Variants in PIK3CB observed in about 807,000 individuals in gnomAD.
PIK3CB encodes phosphatidylinositol-4,5-bisphosphate 3-kinase catalytic subunit beta.
PIK3CB carries 39 observed loss-of-function variants against 136.8 expected under a neutral mutation model. The ratio of observed to expected loss-of-function variants is 0.29; its 90% confidence interval spans 0.22 to 0.37. PIK3CB has a LOEUF of 0.37. Ranked by LOEUF, PIK3CB falls within the 10% of genes least tolerant of loss-of-function variation. The probability of loss-of-function intolerance (pLI) is 1.00; values close to 1 mark genes in which losing one functional copy is unlikely to be tolerated. For missense variants in PIK3CB, 868 were observed against 1,275.4 expected (o/e 0.68, Z 4.87); for synonymous variants, 428 against 436.6 (o/e 0.98, Z 0.25).
At chr3:138,689,531 TC>T (rs1395041989) in intron 15 of PIK3CB, among the ~76,000 whole-genome samples, 1 of 152,222 alleles carries the variant, frequency 6.6e-6, no homozygotes, top group South Asian at 2.1e-4. Context: ...CCTCAAGTGA[TC>T]CATCCACCTT....
intron 14 of PIK3CB, among the ~76,000 whole-genome samples, chr3:138,693,965 A>T (rs1348250137): frequency 0.025 from 676 of 27,268 alleles, 2 homozygotes; most frequent in South Asian, 0.041. Flanking sequence ...ATATATATAT[A>T]TTATATATAT....
chr3:138,692,313 G>T (rs2044026759), intron 14 of PIK3CB, among the ~76,000 whole-genome samples: 1 of 152,148 alleles, frequency 6.6e-6, no homozygotes, highest in African/African-American at 2.4e-5. Flanking sequence ...CTCATAACCA[G>T]AAATTTCACA....
In PIK3CB at chr3:138,717,532, GT is replaced by G. The variant is rs11443923; in HGVS notation, c.1051-2814del. Among the ~76,000 whole-genome samples the G allele has an allele frequency of 1.1e-3, 165 of 151,046 alleles. 2 individuals carry two copies. Among genetic ancestry groups the G allele is most frequent in the Middle Eastern group, 6.9e-3 (2 of 288 alleles). ...TGAATGAAAATAGAAATTTTTTGTG[GT>G]TTTTTTTTAAACTTTCATTTTAGGT... is the stretch of plus-strand genomic sequence containing the variant. On this transcript the variant is annotated intron_variant, in intron 8 of 23. Transcript: ENST00000674063.
chr3:138,711,306 C>T (rs562684927), intron 10 of PIK3CB, among the ~76,000 whole-genome samples: 3 of 150,730 alleles, frequency 2.0e-5, no homozygotes, highest in South Asian at 2.1e-4. Flanking sequence ...CGGCCAGGCG[C>T]GGTGGCTCAC....
At chr3:138,732,425 G>A (rs1361439249) in intron 8 of PIK3CB, among the ~76,000 whole-genome samples, 2 of 152,064 alleles carry the variant, frequency 1.3e-5, no homozygotes, top group Non-Finnish European at 2.9e-5. Context: ...CAAGACATTG[G>A]TAATTTTTGG....
At chr3:138,657,018 T>C (rs182037247) in intron 22 of PIK3CB, among the ~76,000 whole-genome samples, 44 of 152,244 alleles carry the variant, frequency 2.9e-4, no homozygotes, top group Admixed American at 2.2e-3. Context: ...CTGTGTGCCT[T>C]GGCCTCCCAA....
rs150096529 is a variant in PIK3CB, at chr3:138,810,288, T to A, written c.-121-13721A>T. Among the ~76,000 whole-genome samples the A allele has an allele frequency of 3.8e-3, 572 of 151,988 alleles. 5 individuals carry two copies. Among genetic ancestry groups the A allele is most frequent in the African/African-American group, 0.013 (549 of 41,474 alleles). ...ACACCCCCATCAAGGAAAGGAACTA[T>A]AACGCCCCACTCTTTAAGTGTGAGC... On this transcript the variant is annotated intron_variant, in intron 1 of 23. Transcript: ENST00000674063.
chr3:138,712,835 G>A (rs541063443), intron 9 of PIK3CB, among the ~76,000 whole-genome samples: 1 of 152,112 alleles, frequency 6.6e-6, no homozygotes, highest in South Asian at 2.1e-4. Flanking sequence ...TTAAAGTGTT[G>A]GAATTACAGG....
At chr3:138,765,100 A>C (rs1022031052) in intron 2 of PIK3CB, among the ~76,000 whole-genome samples, 1 of 152,194 alleles carries the variant, frequency 6.6e-6, no homozygotes, top group Admixed American at 6.5e-5. Context: ...GAGGTGAATC[A>C]CTTGAGGTCA....
At position 138,744,392 on chromosome 3, in the gene PIK3CB, C is replaced by CAAAAAAAAAAAAAAAAAA. The variant is rs60503033; in HGVS notation, c.398-1629_398-1612dup. On this transcript the variant is annotated intron_variant, in intron 4 of 23. Coordinates refer to ENST00000674063, the MANE Select transcript of PIK3CB (RefSeq NM_006219.3). ...ACTGGGTGACAGAGCGAGACTCCCC[C>CAAAAAAAAAAAAAAAAAA]AAAAAAAAAAAAAAAAAAAAAAAAA... Among the ~76,000 whole-genome samples, 315 of 45,108 alleles carry CAAAAAAAAAAAAAAAAAA rather than the reference C, an allele frequency of 7.0e-3. 145 individuals are homozygous for CAAAAAAAAAAAAAAAAAA. Among genetic ancestry groups the CAAAAAAAAAAAAAAAAAA allele is most frequent in the East Asian group, 0.013 (27 of 2,060 alleles). The allele number at this position is 45,108 out of a possible 152,430, so 29.6% of individuals were successfully genotyped here. A position where few individuals can be genotyped will look rare whatever the true frequency, so the allele number is the denominator to read the frequency against.
chr3:138,759,416 G>A, intron 2 of PIK3CB, 57 bp from the exon 3 acceptor site: 1 of 1,220,338 alleles, frequency 8.2e-7, no homozygotes, highest in Non-Finnish European at 1.2e-6. Context: ...TTTATACCAA[G>A]ATATGATAAA....
chr3:138,675,127 T>C (rs2043618173), intron 19 of PIK3CB, among the ~76,000 whole-genome samples: 1 of 152,060 alleles, frequency 6.6e-6, no homozygotes, highest in Non-Finnish European at 1.5e-5. Context: ...TAGATAGATA[T>C]TATTTAAATG....
intron 12 of PIK3CB, among the ~76,000 whole-genome samples, chr3:138,702,558 G>A (rs2108543447): frequency 6.6e-6 from 1 of 152,224 alleles, no homozygotes; most frequent in East Asian, 1.9e-4. Context: ...GAGCAATATT[G>A]TCTTATAAAG....
chr3:138,774,203 G>T (rs2045832217), intron 2 of PIK3CB, among the ~76,000 whole-genome samples: 1 of 152,178 alleles, frequency 6.6e-6, no homozygotes, highest in African/African-American at 2.4e-5. Context: ...CACTATCCAG[G>T]TTAAGACAAA....
At chr3:138,720,338 G>A (rs2044700663) in intron 8 of PIK3CB, among the ~76,000 whole-genome samples, 1 of 152,112 alleles carries the variant, frequency 6.6e-6, no homozygotes, top group Non-Finnish European at 1.5e-5. Context: ...CATTCCCAAA[G>A]GAAAACTTTG....
intron 2 of PIK3CB, among the ~76,000 whole-genome samples, chr3:138,771,714 C>G (rs1309506227): frequency 6.6e-6 from 1 of 152,084 alleles, no homozygotes; most frequent in African/African-American, 2.4e-5. Flanking sequence ...TACAAAACAT[C>G]TGCACCAGCC....
chr3:138,681,125 C>A (rs2043771295), intron 19 of PIK3CB, among the ~76,000 whole-genome samples: 1 of 148,816 alleles, frequency 6.7e-6, no homozygotes, highest in South Asian at 2.1e-4. Context: ...CTGTTCCCTG[C>A]AACCTCCACT....
Position 138,737,392 on chromosome 3 carries a change from CTCA to C in PIK3CB, c.801+312_801+314del, listed in dbSNP as rs1559851425. 3.2e-4 allele frequency among the ~76,000 whole-genome samples: 24 copies of C among 74,550 alleles called. 1 individual carries two copies. The South Asian group carries it at 3.6e-3, about 11-fold the overall frequency. 48.9% of individuals were successfully genotyped at this position (74,550 alleles called of 152,430 possible). ...CCTAGGCGACAGAGCAACACTCTGT[CTCA>C]AAAAAAAAAAAAAAAAAAAAAAAAA... On this transcript the variant is annotated intron_variant, in intron 6 of 23. Coordinates refer to ENST00000674063, the MANE Select transcript of PIK3CB (RefSeq NM_006219.3).
chr3:138,691,109 C>T lies in PIK3CB; in HGVS notation c.1927G>A (p.Val643Met), dbSNP rs2043998205. The change falls in exon 15 of 24, where the codon GTG becomes ATG. Residue 643 changes from valine to methionine, a missense_variant. By Grantham distance (21) the Val-to-Met change is conservative (BLOSUM62 1). Coordinates refer to ENST00000674063, the MANE Select transcript of PIK3CB (RefSeq NM_006219.3). Reference protein sequence around the residue: ...EELSQYLLQLVQVLKYEPFLD... With the variant: ...EELSQYLLQLMQVLKYEPFLD... Reference sequence around the variant, plus strand: ...AAAGGCTCATATTTTAACACTTGCACCAGTTGTAAAAGATATTGAGAAAGT... The same window carrying T: ...AAAGGCTCATATTTTAACACTTGCATCAGTTGTAAAAGATATTGAGAAAGT... 3.7e-6 allele frequency: 6 copies of T among 1,612,982 alleles called. No individual in the cohort carries two copies. The highest frequency in any genetic ancestry group is 1.1e-5 in the South Asian group (1 of 90,996).
Sources: gnomAD v4.1 joint callset for allele counts (sites outside exome capture counted in the v4.1 genomes callset) on GRCh38, gnomAD v4.1.1 for gene constraint, MANE v1.5 for transcripts, NCBI Gene and HGNC (gene_info 2026-07-23, HGNC 2026-07-21) for gene names.